DIP2C: variants seen among roughly 807,000 people sequenced by gnomAD.
The protein encoded by DIP2C is disco-interacting protein 2 homolog C.
Under a neutral mutation model 192.4 loss-of-function variants are expected in DIP2C, and 33 were observed. The observed-to-expected ratio is 0.17, with a 90% confidence interval of 0.13 to 0.23. The LOEUF is 0.23. DIP2C is among the 10% of genes least tolerant of loss of function. The pLI, the probability that DIP2C is intolerant of heterozygous loss-of-function variation, is 1.00. For missense variants in DIP2C, 1,537 were observed against 2,110.1 expected, an observed-to-expected ratio of 0.73 and a Z score of 5.32; for synonymous variants, 979 against 864.1, an observed-to-expected ratio of 1.13 and a Z score of -2.33.
At chr10:463,107 A>G (rs4515897) in intron 3 of DIP2C, among the ~76,000 whole-genome samples, 126,706 of 152,178 alleles carry the variant, frequency 0.83, 55,917 homozygotes, top group Non-Finnish European at 0.96. Flanking sequence ...AACTGGCACA[A>G]GACAAGGATG....
At chr10:439,408 A>G (rs943890481) in intron 4 of DIP2C, among the ~76,000 whole-genome samples, 1 of 126,702 alleles carries the variant, frequency 7.9e-6, no homozygotes. Context: ...AAGATCACGC[A>G]TGTGTAAATG....
At chr10:550,057 T>G (rs1848507480) in intron 1 of DIP2C, among the ~76,000 whole-genome samples, 1 of 150,020 alleles carries the variant, frequency 6.7e-6, no homozygotes, top group Non-Finnish European at 1.5e-5. Flanking sequence ...TCGCCCAGGC[T>G]GGAGTGCAGT....
At chr10:395,005 C>T (rs938926946) in intron 10 of DIP2C, among the ~76,000 whole-genome samples, 3 of 151,618 alleles carry the variant, frequency 2.0e-5, no homozygotes, top group Admixed American at 6.6e-5. Flanking sequence ...CATTAGGCTG[C>T]CGGAAATAAG....
At chr10:468,097 C>G (rs1589861752) in intron 3 of DIP2C, among the ~76,000 whole-genome samples, 1 of 152,048 alleles carries the variant, frequency 6.6e-6, no homozygotes, top group African/African-American at 2.4e-5. Flanking sequence ...TCTTCGCGGT[C>G]GGTTCAGGAG....
chr10:404,730 T>C (rs1276855454), intron 9 of DIP2C, among the ~76,000 whole-genome samples: 1 of 152,206 alleles, frequency 6.6e-6, no homozygotes, highest in Non-Finnish European at 1.5e-5. Context: ...TCTATGAATA[T>C]ATGAATATTT....
At chr10:285,301 G>T (rs1434456109) in intron 34 of DIP2C, among the ~76,000 whole-genome samples, 1 of 152,202 alleles carries the variant, frequency 6.6e-6, no homozygotes, top group Admixed American at 6.5e-5. Flanking sequence ...CAGGGCTGAG[G>T]AGGAGGAGGG....
intron 31 of DIP2C, 25 bp downstream of exon 31, chr10:326,981 G>GCA (rs1314965249): frequency 6.3e-7 from 1 of 1,598,150 alleles, no homozygotes; most frequent in African/African-American, 1.3e-5. Context: ...TTCCCACTCA[G>GCA]CACTGTGATG....
chr10:497,281 T>C (rs1175095650), intron 1 of DIP2C, among the ~76,000 whole-genome samples: 1 of 152,246 alleles, frequency 6.6e-6, no homozygotes, highest in Non-Finnish European at 1.5e-5. Context: ...CTGAATATTT[T>C]CACTTTTAGT....
intron 5 of DIP2C, among the ~76,000 whole-genome samples, chr10:419,757 A>G (rs1462956987): frequency 6.6e-6 from 1 of 152,168 alleles, no homozygotes; most frequent in East Asian, 1.9e-4. Flanking sequence ...GACATCAAGA[A>G]CTATTATTTT....
intron 32 of DIP2C, among the ~76,000 whole-genome samples, chr10:300,277 G>A (rs1955961214): frequency 6.6e-6 from 1 of 152,206 alleles, no homozygotes; most frequent in South Asian, 2.1e-4. Context: ...TGAGCCAAGT[G>A]TGGTATATAC....
chr10:414,144 A>G, intron 7 of DIP2C, 34 bp from the exon 8 acceptor site: 1 of 1,587,186 alleles, frequency 6.3e-7, no homozygotes. Flanking sequence ...TTACAAGAGA[A>G]ATGCATCCAC....
intron 32 of DIP2C, among the ~76,000 whole-genome samples, chr10:304,557 A>G (rs200706613): frequency 3.0e-3 from 2 of 662 alleles, no homozygotes; most frequent in Non-Finnish European, 0.014. Context: ...ACACGAATGC[A>G]CACACACACA....
At chr10:569,024 G>T (rs1463277972) in intron 1 of DIP2C, among the ~76,000 whole-genome samples, 1 of 152,202 alleles carries the variant, frequency 6.6e-6, no homozygotes, top group Non-Finnish European at 1.5e-5. Flanking sequence ...CTTCCTGGCT[G>T]AACCAATGAA....
At chr10:293,582 T>A (rs1955595738) in intron 32 of DIP2C, among the ~76,000 whole-genome samples, 1 of 152,206 alleles carries the variant, frequency 6.6e-6, no homozygotes, top group South Asian at 2.1e-4. Context: ...TTAACAGAGA[T>A]GCTGTGACTG....
At chr10:488,832 A>G (rs191530931) in intron 1 of DIP2C, among the ~76,000 whole-genome samples, 1 of 152,368 alleles carries the variant, frequency 6.6e-6, no homozygotes, top group East Asian at 1.9e-4. Flanking sequence ...AATGTCCCAT[A>G]GAACTGTGCC....
intron 1 of DIP2C, among the ~76,000 whole-genome samples, chr10:553,964 G>A (rs578207140): frequency 6.8e-5 from 10 of 147,942 alleles, no homozygotes; most frequent in African/African-American, 2.3e-4. Context: ...TAGAAAAAAC[G>A]TATACGCTTG....
At chr10:521,036 T>A (rs1382891275) in intron 1 of DIP2C, among the ~76,000 whole-genome samples, 1 of 152,206 alleles carries the variant, frequency 6.6e-6, no homozygotes, top group East Asian at 1.9e-4. Flanking sequence ...ATTACAAAAA[T>A]CAAGAGAAGT....
intron 29 of DIP2C, 23 bp from the exon 30 acceptor site, chr10:329,624 C>G: frequency 6.2e-7 from 1 of 1,610,530 alleles, no homozygotes; most frequent in Non-Finnish European, 8.5e-7. Context: ...AAGAGGCTGT[C>G]AGGGCGGGAG....
intron 17 of DIP2C, among the ~76,000 whole-genome samples, chr10:371,452 G>C (rs867466421): frequency 6.6e-6 from 1 of 152,196 alleles, no homozygotes; most frequent in Non-Finnish European, 1.5e-5. Flanking sequence ...GTTAAGATGA[G>C]GTCATACTGG....
Sources: allele counts gnomAD v4.1 joint callset (sites outside exome capture counted in the v4.1 genomes callset), GRCh38; gene constraint gnomAD v4.1.1; transcripts MANE v1.5; gene names NCBI Gene and HGNC (gene_info 2026-07-23, HGNC 2026-07-21).